The following FAM20B variants were observed in gnomAD, a reference collection of about 807,000 sequenced individuals.
The protein encoded by FAM20B is glycosaminoglycan xylosylkinase.
A neutral mutation model predicts 43.8 loss-of-function variants in FAM20B; 23 were observed. That is an observed-to-expected ratio of 0.53 (90% CI 0.38 to 0.74). The LOEUF is 0.74. Among genes scored for constraint, FAM20B ranks in the 30% least tolerant of loss-of-function variants. FAM20B has a pLI of 0.00. For synonymous variants in FAM20B, 178 were observed against 192.4 expected (o/e 0.93, Z 0.62); for missense variants, 440 against 510.5 (o/e 0.86, Z 1.33).
chr1:179,022,795 G>A (rs1024134654), upstream of FAM20B, among the ~76,000 whole-genome samples: 3 of 152,200 alleles, frequency 2.0e-5, no homozygotes, highest in Admixed American at 1.3e-4. Context: ...GGGTCAGACA[G>A]ATCCCCAAAG....
intron 7 of FAM20B, among the ~76,000 whole-genome samples, chr1:179,067,365 G>A (rs922839368): frequency 6.6e-6 from 1 of 152,222 alleles, no homozygotes; most frequent in African/African-American, 2.4e-5. Flanking sequence ...AGCAATTTGG[G>A]AGGCCAAGGT....
Position 179,075,971 on chromosome 1 carries a change from A to G in FAM20B, c.*3827A>G, listed in dbSNP as rs1172076947. 6.6e-6 allele frequency: 1 copy of G among 152,162 alleles called. No individual in the cohort carries two copies. The allele number at this position is 152,162 out of a possible 1,614,324, so 9.4% of individuals were successfully genotyped here. A position where few individuals can be genotyped will look rare whatever the true frequency, so the allele number is the denominator to read the frequency against. ...GGAAACATGAGTAAAAGTATATGTA[A>G]TGTATATAGTCGTATATGTATTCTA... is the stretch of plus-strand genomic sequence containing the variant. On this transcript the variant is annotated 3_prime_UTR_variant, in exon 8 of 8. Coordinates refer to ENST00000263733, the MANE Select transcript of FAM20B (RefSeq NM_014864.4).
chr1:179,040,533 G>T (rs1405005376), intron 1 of FAM20B, among the ~76,000 whole-genome samples: 1 of 127,172 alleles, frequency 7.9e-6, no homozygotes, highest in Non-Finnish European at 1.6e-5. Flanking sequence ...TGGCCGGGCG[G>T]GGGGCTGACC....
Position 179,072,223 on chromosome 1 carries a change from G to T in FAM20B, c.*79G>T, listed in dbSNP as rs1651954913. 1.7e-6 allele frequency: 2 copies of T among 1,176,468 alleles called. No individual in the cohort carries two copies. Among genetic ancestry groups the T allele is most frequent in the Non-Finnish European group, 2.4e-6 (2 of 824,286 alleles). 72.9% of individuals were successfully genotyped at this position (1,176,468 alleles called of 1,614,324 possible). A position where few individuals can be genotyped will look rare whatever the true frequency, so the allele number is the denominator to read the frequency against. The stretch of plus-strand genomic sequence containing the variant: ...AATCAATTCCAAATGGTATGAGATG[G>T]ATTGGAAGTGGCCAGCAGCAAGTTC... On this transcript the variant is annotated 3_prime_UTR_variant, in exon 8 of 8. Coordinates refer to ENST00000263733, the MANE Select transcript of FAM20B (RefSeq NM_014864.4).
chr1:179,026,174 C>G (rs1217743187), intron 1 of FAM20B, 76 bp downstream of exon 1: 1 of 148,132 alleles, frequency 6.8e-6, no homozygotes, highest in East Asian at 2.0e-4. Context: ...CGGACCGGCA[C>G]GCGGGCGGGG....
intron 4 of FAM20B, among the ~76,000 whole-genome samples, chr1:179,056,239 A>G (rs1401349785): frequency 6.6e-6 from 1 of 152,236 alleles, no homozygotes; most frequent in Non-Finnish European, 1.5e-5. Flanking sequence ...TCATTATAGT[A>G]TCACACAGAG....
chr1:179,021,520 G>A (rs554546976), upstream of FAM20B, among the ~76,000 whole-genome samples: 34 of 152,218 alleles, frequency 2.2e-4, no homozygotes, highest in Middle Eastern at 3.4e-3. Context: ...TTACTGAAGC[G>A]TATATGCCAC....
intron 1 of FAM20B, among the ~76,000 whole-genome samples, chr1:179,036,775 T>C (rs1650246126): frequency 6.6e-6 from 1 of 152,180 alleles, no homozygotes; most frequent in South Asian, 2.1e-4. Context: ...TAAGGTATTA[T>C]ACAAGGCCGA....
chr1:179,033,761 C>T (rs1394005567), intron 1 of FAM20B, among the ~76,000 whole-genome samples: 2 of 151,938 alleles, frequency 1.3e-5, no homozygotes, highest in African/African-American at 4.8e-5. Flanking sequence ...GGCGTGATGT[C>T]GGCTCACTGC....
intron 1 of FAM20B, among the ~76,000 whole-genome samples, chr1:179,037,281 C>G (rs1650277811): frequency 6.6e-6 from 1 of 151,954 alleles, no homozygotes; most frequent in Non-Finnish European, 1.5e-5. Flanking sequence ...CTGTAAAGAA[C>G]AATGACAAAT....
chr1:179,040,375 T>C (rs1208256787), intron 1 of FAM20B, among the ~76,000 whole-genome samples: 8 of 126,956 alleles, frequency 6.3e-5, no homozygotes, highest in South Asian at 2.7e-4. Context: ...ACCCCCCCAC[T>C]TCCCTCCCGG....
chr1:179,034,048 T>C (rs1650117749), intron 1 of FAM20B, among the ~76,000 whole-genome samples: 1 of 152,162 alleles, frequency 6.6e-6, no homozygotes, highest in African/African-American at 2.4e-5. Flanking sequence ...GCTCAAATGG[T>C]ATAGGCTGGG....
chr1:179,062,169 A>C (rs1250544748), intron 4 of FAM20B, among the ~76,000 whole-genome samples: 1 of 151,940 alleles, frequency 6.6e-6, no homozygotes, highest in Non-Finnish European at 1.5e-5. Context: ...ACTACTCCTT[A>C]ATTCCTTTTA....
At chr1:179,022,502 T>C (rs1288656753), upstream of FAM20B, among the ~76,000 whole-genome samples, 1 of 152,220 alleles carries the variant, frequency 6.6e-6, no homozygotes, top group Non-Finnish European at 1.5e-5. Flanking sequence ...CCTTCGTGTA[T>C]GCAAAAGCAC....
intron 1 of FAM20B, among the ~76,000 whole-genome samples, chr1:179,041,743 C>T (rs1032678314): frequency 2.7e-5 from 4 of 147,658 alleles, no homozygotes; most frequent in Admixed American, 6.7e-5. Context: ...GAGAGGGAGA[C>T]GGGCAGGGAA....
intron 4 of FAM20B, among the ~76,000 whole-genome samples, chr1:179,060,798 A>G (rs1651428616): frequency 6.6e-6 from 1 of 152,216 alleles, no homozygotes; most frequent in African/African-American, 2.4e-5. Flanking sequence ...GTGTGGCCAC[A>G]TTATCCTATA....
At chr1:179,046,018 T>G (rs1650755266) in intron 2 of FAM20B, among the ~76,000 whole-genome samples, 1 of 152,222 alleles carries the variant, frequency 6.6e-6, no homozygotes, top group Non-Finnish European at 1.5e-5. Context: ...CTTTAAACCC[T>G]TATACGAAGG....
intron 3 of FAM20B, among the ~76,000 whole-genome samples, chr1:179,051,009 CTTCT>C (rs766447471): frequency 2.0e-5 from 3 of 151,850 alleles, no homozygotes; most frequent in Non-Finnish European, 4.4e-5. Flanking sequence ...GTAGTCCCAG[CTTCT>C]TGGGAGGCTG....
In FAM20B at chr1:179,064,501, G is replaced by T; in HGVS notation, c.938+5G>T. The T allele has an allele frequency of 1.2e-6, 2 of 1,606,850 alleles. No homozygotes were observed. The highest frequency in any genetic ancestry group is 1.1e-5 in the South Asian group (1 of 90,784). The stretch of plus-strand genomic sequence containing the variant: ...CCTTCTTGATAATGCCAAAAGGTGA[G>T]ACCAGCAGGACTGTCCTTGTCAGGG... On this transcript the variant is annotated splice_donor_5th_base_variant and intron_variant, in intron 6 of 7. Coordinates refer to ENST00000263733, the MANE Select transcript of FAM20B (RefSeq NM_014864.4).
Sources: gnomAD v4.1 joint callset for allele counts (sites outside exome capture counted in the v4.1 genomes callset) on GRCh38, gnomAD v4.1.1 for gene constraint, MANE v1.5 for transcripts, NCBI Gene and HGNC (gene_info 2026-07-23, HGNC 2026-07-21) for gene names.